HYCC2: variants seen among roughly 807,000 people sequenced by gnomAD.
HYCC2 encodes hyccin 2.
At chr2:200,974,797 T>C in the HYCC2 span, 16 of 152,120 alleles carry the variant, frequency 1.1e-4, no homozygotes, top group Admixed American at 5.9e-4. Flanking sequence ...TATTGGGCTA[T>C]ACATTTTAAA....
the HYCC2 span, among the ~76,000 whole-genome samples, chr2:201,069,054 T>C: frequency 6.6e-6 from 1 of 152,210 alleles, no homozygotes; most frequent in East Asian, 1.9e-4. Flanking sequence ...GTATGATAAC[T>C]AGTTTTGAAA....
the HYCC2 span, chr2:201,022,759 C>T: frequency 2.1e-6 from 2 of 950,592 alleles, no homozygotes; most frequent in Non-Finnish European, 3.0e-6. Flanking sequence ...AATTATAAAA[C>T]TTAAATTTAT....
chr2:200,983,230 A>C, the HYCC2 span, among the ~76,000 whole-genome samples: 1 of 152,234 alleles, frequency 6.6e-6, no homozygotes, highest in African/African-American at 2.4e-5. Flanking sequence ...TACCTATTAA[A>C]TACATTTTCC....
At chr2:201,064,124 T>C in the HYCC2 span, 1 of 1,229,080 alleles carries the variant, frequency 8.1e-7, no homozygotes, top group Non-Finnish European at 1.2e-6. Flanking sequence ...AACAGATTTG[T>C]GAACTCAGCC....
the HYCC2 span, among the ~76,000 whole-genome samples, chr2:200,983,947 A>G: frequency 6.6e-6 from 1 of 152,246 alleles, no homozygotes; most frequent in South Asian, 2.1e-4. Flanking sequence ...TTATATACTA[A>G]GAAATGCTTA....
chr2:200,987,482 T>A, the HYCC2 span: 1 of 1,289,752 alleles, frequency 7.8e-7, no homozygotes, highest in South Asian at 1.2e-5. Context: ...CCGTGTTGGA[T>A]CGGGGAGCCA....
At chr2:201,063,856 T>C in the HYCC2 span, 3 of 1,591,290 alleles carry the variant, frequency 1.9e-6, no homozygotes, top group South Asian at 3.3e-5. Flanking sequence ...ATTTTGGAGG[T>C]GGTGGAAGCT....
At chr2:201,019,730 C>A in the HYCC2 span, among the ~76,000 whole-genome samples, 1 of 151,276 alleles carries the variant, frequency 6.6e-6, no homozygotes, top group African/African-American at 2.4e-5. Flanking sequence ...GCACTCCAGC[C>A]TGGGTGACAA....
the HYCC2 span, among the ~76,000 whole-genome samples, chr2:201,064,593 A>T: frequency 2.0e-5 from 3 of 152,154 alleles, no homozygotes; most frequent in African/African-American, 7.2e-5. Context: ...ATTAAAAGGG[A>T]TTACCCAAGC....
the HYCC2 span, among the ~76,000 whole-genome samples, chr2:201,062,445 G>A: frequency 3.3e-5 from 5 of 152,218 alleles, no homozygotes; most frequent in East Asian, 1.9e-4. Context: ...TCAGGAGATC[G>A]AGAGCATCCT....
the HYCC2 span, among the ~76,000 whole-genome samples, chr2:201,026,113 G>C: frequency 6.6e-6 from 1 of 152,138 alleles, no homozygotes; most frequent in Non-Finnish European, 1.5e-5. Context: ...TAAAGGGATG[G>C]AGGAAGAGCT....
the HYCC2 span, among the ~76,000 whole-genome samples, chr2:201,028,646 C>T: frequency 6.6e-6 from 1 of 152,136 alleles, no homozygotes; most frequent in South Asian, 2.1e-4. Flanking sequence ...ACAGAGCCCT[C>T]AGAAATAACA....
At chr2:201,029,588 A>G in the HYCC2 span, among the ~76,000 whole-genome samples, 1 of 152,234 alleles carries the variant, frequency 6.6e-6, no homozygotes, top group Admixed American at 6.5e-5. Context: ...ACCATGGAAT[A>G]CTATGCAGCC....
the HYCC2 span, chr2:201,021,702 T>A: frequency 4.9e-6 from 1 of 204,836 alleles, no homozygotes; most frequent in Non-Finnish European, 1.0e-5. Context: ...AGAGAAAGCA[T>A]TAAAACAAAT....
the HYCC2 span, among the ~76,000 whole-genome samples, chr2:201,071,225 G>A: frequency 6.6e-6 from 1 of 152,216 alleles, no homozygotes; most frequent in African/African-American, 2.4e-5. Context: ...GCAATCACTG[G>A]GATTTCTCTT....
chr2:201,012,673 G>A, the HYCC2 span, among the ~76,000 whole-genome samples: 1 of 152,100 alleles, frequency 6.6e-6, no homozygotes, highest in Admixed American at 6.5e-5. Context: ...AGTCAGGCGT[G>A]GTGGCTCACG....
chr2:201,042,217 C>T, the HYCC2 span, among the ~76,000 whole-genome samples: 46 of 152,346 alleles, frequency 3.0e-4, no homozygotes, highest in African/African-American at 1.1e-3. Flanking sequence ...CTCGGCCTCC[C>T]GAGGTGCCGG....
At chr2:200,978,736 G>C in the HYCC2 span, 1 of 152,054 alleles carries the variant, frequency 6.6e-6, no homozygotes, top group East Asian at 1.9e-4. Flanking sequence ...CAGCCTCCCA[G>C]AGTGTTGGGA....
chr2:201,071,080 C>A, the HYCC2 span, among the ~76,000 whole-genome samples: 1 of 152,178 alleles, frequency 6.6e-6, no homozygotes, highest in Non-Finnish European at 1.5e-5. Flanking sequence ...CCAGGAGGGA[C>A]AACCTAGTTG....
Sources: gnomAD v4.1 joint callset for allele counts (sites outside exome capture counted in the v4.1 genomes callset) on GRCh38, gnomAD v4.1.1 for gene constraint, MANE v1.5 for transcripts, NCBI Gene and HGNC (gene_info 2026-07-23, HGNC 2026-07-21) for gene names.